Variants in EPHA7 observed in about 807,000 individuals in gnomAD.
EPHA7 encodes EPH receptor A7, also known as ephrin type-A receptor 7.
Under a neutral mutation model 112.6 loss-of-function variants are expected in EPHA7, and 25 were observed. The observed-to-expected ratio is 0.22, with a 90% CI of 0.16 to 0.31. The LOEUF (loss-of-function observed/expected upper bound fraction) is 0.31, where lower values mean the gene tolerates loss of function less well. EPHA7 is among the 10% of genes least tolerant of loss of function. EPHA7 has a pLI of 1.00. For missense variants in EPHA7, 962 were observed against 1,212.6 expected (o/e 0.79, Z 3.07); for synonymous variants, 437 against 406.5 (o/e 1.07, Z -0.90).
intron 14 of EPHA7, among the ~76,000 whole-genome samples, chr6:93,247,376 T>C (rs1209660300): frequency 6.6e-6 from 1 of 152,214 alleles, no homozygotes; most frequent in Non-Finnish European, 1.5e-5. Context: ...GGAATTTGAG[T>C]TACCCAGAAT....
intron 3 of EPHA7, among the ~76,000 whole-genome samples, chr6:93,376,219 T>G (rs1777053230): frequency 6.6e-6 from 1 of 152,136 alleles, no homozygotes; most frequent in South Asian, 2.1e-4. Flanking sequence ...CACTATTCAC[T>G]GTAGCCTCAA....
At chr6:93,344,961 AG>A (rs1357731135) in intron 5 of EPHA7, among the ~76,000 whole-genome samples, 2 of 151,666 alleles carry the variant, frequency 1.3e-5, no homozygotes, top group East Asian at 1.9e-4. Context: ...TATAGGCAAA[AG>A]ATTCCTAAAG....
intron 1 of EPHA7, among the ~76,000 whole-genome samples, chr6:93,416,909 A>G (rs648529): frequency 0.51 from 76,755 of 151,774 alleles, 19,740 homozygotes; most frequent in East Asian, 0.67. Context: ...GGGCTGCCAG[A>G]CGGGCGCGCC....
chr6:93,295,948 A>G (rs932273746), intron 5 of EPHA7, among the ~76,000 whole-genome samples: 1 of 151,908 alleles, frequency 6.6e-6, no homozygotes, highest in African/African-American at 2.4e-5. Flanking sequence ...ACACACAAAC[A>G]TACCACTTCC....
intron 11 of EPHA7, 42 bp downstream of exon 11, chr6:93,258,057 A>G (rs1770516997): frequency 3.2e-6 from 5 of 1,541,710 alleles, no homozygotes; most frequent in Non-Finnish European, 4.5e-6. Flanking sequence ...AATTTCTGAC[A>G]CTCAGTCTTT....
intron 6 of EPHA7, among the ~76,000 whole-genome samples, chr6:93,271,786 A>C (rs187666860): frequency 6.6e-6 from 1 of 152,030 alleles, no homozygotes; most frequent in Admixed American, 6.6e-5. Context: ...AAATTTCAGG[A>C]GGAATTTAAA....
intron 5 of EPHA7, among the ~76,000 whole-genome samples, chr6:93,282,650 A>T (rs1771806964): frequency 6.6e-6 from 1 of 151,512 alleles, no homozygotes; most frequent in Non-Finnish European, 1.5e-5. Flanking sequence ...GTGTGGAGGG[A>T]GAGGGGCAGG....
chr6:93,345,208 G>T (rs572462153), intron 5 of EPHA7, among the ~76,000 whole-genome samples: 30 of 151,614 alleles, frequency 2.0e-4, no homozygotes, highest in Non-Finnish European at 3.7e-4. Context: ...AACCAGTTTT[G>T]TTTTTATCAT....
intron 5 of EPHA7, among the ~76,000 whole-genome samples, chr6:93,279,873 G>A (rs1040627576): frequency 1.3e-5 from 2 of 152,000 alleles, no homozygotes; most frequent in Non-Finnish European, 1.5e-5. Context: ...GTCATATGCT[G>A]GCATTTTGAG....
chr6:93,299,981 A>C (rs1169152940), intron 5 of EPHA7, among the ~76,000 whole-genome samples: 8 of 152,112 alleles, frequency 5.3e-5, no homozygotes, highest in Admixed American at 5.2e-4. Flanking sequence ...TTGAAGATGG[A>C]TGGTGGGAAG....
chr6:93,265,931 T>A (rs535710062), intron 7 of EPHA7, among the ~76,000 whole-genome samples: 1 of 151,670 alleles, frequency 6.6e-6, no homozygotes, highest in Non-Finnish European at 1.5e-5. Context: ...TATCTCTTAA[T>A]TTTGTATACC....
At chr6:93,257,605 TG>T in intron 11 of EPHA7, 82 bp from the exon 12 acceptor site, 1 of 863,750 alleles carries the variant, frequency 1.2e-6, no homozygotes, top group Non-Finnish European at 1.8e-6. Context: ...ATAAAACACA[TG>T]GTGTTCTTTT....
At chr6:93,249,418 G>C (rs570552774) in intron 14 of EPHA7, among the ~76,000 whole-genome samples, 1 of 152,204 alleles carries the variant, frequency 6.6e-6, no homozygotes, top group African/African-American at 2.4e-5. Context: ...CTTTTAGAAA[G>C]TTGGGTTAAA....
intron 3 of EPHA7, among the ~76,000 whole-genome samples, chr6:93,408,075 C>A (rs1032676837): frequency 6.6e-6 from 1 of 151,980 alleles, no homozygotes; most frequent in African/African-American, 2.4e-5. Context: ...CACAAAAACC[C>A]GTAATCTTCT....
chr6:93,244,090 C>A (rs1769832353), intron 16 of EPHA7, among the ~76,000 whole-genome samples: 1 of 151,992 alleles, frequency 6.6e-6, no homozygotes, highest in Admixed American at 6.6e-5. Context: ...TAAAAACTAT[C>A]TTTTAAAATG....
chr6:93,299,589 G>A (rs1772865914), intron 5 of EPHA7, among the ~76,000 whole-genome samples: 1 of 152,086 alleles, frequency 6.6e-6, no homozygotes, highest in African/African-American at 2.4e-5. Flanking sequence ...TCCTCAAAGA[G>A]CTAAAAACAG....
chr6:93,382,041 T>A (rs1211344465), intron 3 of EPHA7, among the ~76,000 whole-genome samples: 1 of 152,234 alleles, frequency 6.6e-6, no homozygotes, highest in Non-Finnish European at 1.5e-5. Context: ...AAGTCAACTG[T>A]ACACATTATA....
chr6:93,292,193 T>A (rs986053867), intron 5 of EPHA7, among the ~76,000 whole-genome samples: 3 of 152,128 alleles, frequency 2.0e-5, no homozygotes, highest in African/African-American at 7.2e-5. Context: ...AGTTAAGTCA[T>A]TTTGTCCAAG....
intron 5 of EPHA7, among the ~76,000 whole-genome samples, chr6:93,327,000 CAT>C (rs1357764583): frequency 6.6e-6 from 1 of 151,524 alleles, no homozygotes; most frequent in East Asian, 1.9e-4. Context: ...CTTTAAAATA[CAT>C]TTGTATGACG....
Sources: allele counts gnomAD v4.1 joint callset (sites outside exome capture counted in the v4.1 genomes callset), GRCh38; gene constraint gnomAD v4.1.1; transcripts MANE v1.5; gene names NCBI Gene and HGNC (gene_info 2026-07-23, HGNC 2026-07-21).